The following ZNF157 variants were observed in gnomAD, a reference collection of about 807,000 sequenced individuals.
ZNF157 encodes the protein zinc finger protein 22.
ZNF157 carries 8 observed loss-of-function variants against 9.4 expected under a neutral mutation model. The observed-to-expected ratio is 0.85, with a 90% CI of 0.50 to 1.53. The LOEUF (loss-of-function observed/expected upper bound fraction) is 1.53. Ranked by LOEUF, ZNF157 falls within the 40% of genes most tolerant of loss-of-function variation. ZNF157 has a pLI of 0.00. For missense variants in ZNF157, 316 were observed against 385.2 expected, an observed-to-expected ratio of 0.82 and a Z score of 1.50; for synonymous variants, 120 against 130.8, an observed-to-expected ratio of 0.92 and a Z score of 0.56.
At chrX:47,382,282 CTTTTTTT>C (rs764704009) in intron 1 of ZNF157, among the ~76,000 whole-genome samples, 2 of 53,357 alleles carry the variant, frequency 3.7e-5, no homozygotes, top group East Asian at 6.2e-4. Flanking sequence ...TTCAACAGAA[CTTTTTTT>C]TTTTTTTTTT....
chrX:47,394,571 C>T (rs1393441356), intron 1 of ZNF157, among the ~76,000 whole-genome samples: 1 of 111,812 alleles, frequency 8.9e-6, no homozygotes, highest in East Asian at 2.8e-4. Context: ...GTGGAAAGTA[C>T]CTCTGGGTAT....
At chrX:47,383,327 G>A (rs1336887537) in intron 1 of ZNF157, among the ~76,000 whole-genome samples, 6 of 84,279 alleles carry the variant, frequency 7.1e-5, no homozygotes, top group African/African-American at 2.2e-4. Flanking sequence ...AGCTGAGATC[G>A]CACCACTGCA....
chrX:47,402,752 C>G (rs2055934461), intron 1 of ZNF157, among the ~76,000 whole-genome samples: 1 of 107,926 alleles, frequency 9.3e-6, no homozygotes, highest in Non-Finnish European at 1.9e-5. Context: ...CCGTGTTACC[C>G]AGGATGGTCT....
chrX:47,397,246 T>C (rs1322812629), intron 1 of ZNF157, among the ~76,000 whole-genome samples: 1 of 94,797 alleles, frequency 1.1e-5, no homozygotes, highest in Admixed American at 1.2e-4. Context: ...TCTTTCTTTT[T>C]TTTTTTTTTT....
At chrX:47,393,085 G>A (rs1426731603) in intron 1 of ZNF157, among the ~76,000 whole-genome samples, 2 of 109,809 alleles carry the variant, frequency 1.8e-5, no homozygotes, top group African/African-American at 6.6e-5. Flanking sequence ...AACCTGGGAG[G>A]CGGAAGTTGC....
At chrX:47,394,469 C>G (rs910235622) in intron 1 of ZNF157, among the ~76,000 whole-genome samples, 3 of 112,137 alleles carry the variant, frequency 2.7e-5, no homozygotes, top group African/African-American at 9.7e-5. Flanking sequence ...TTATGTCTCA[C>G]ATTTTCCTGA....
intron 1 of ZNF157, among the ~76,000 whole-genome samples, chrX:47,372,544 G>A (rs2055832026): frequency 9.6e-6 from 1 of 104,200 alleles, no homozygotes; most frequent in African/African-American, 3.5e-5. Context: ...GCACAGGCTG[G>A]AGTGCAATGG....
intron 1 of ZNF157, among the ~76,000 whole-genome samples, chrX:47,377,455 T>A (rs2055848079): frequency 9.0e-6 from 1 of 110,573 alleles, no homozygotes; most frequent in South Asian, 3.8e-4. Context: ...AGCTTTTTAA[T>A]TAATTAATTA....
chrX:47,398,918 C>T (rs1331260737), intron 1 of ZNF157, among the ~76,000 whole-genome samples: 5 of 111,416 alleles, frequency 4.5e-5, no homozygotes, highest in East Asian at 2.8e-4. Flanking sequence ...GCAATCTGCC[C>T]GCCTCAGCCT....
intron 1 of ZNF157, among the ~76,000 whole-genome samples, chrX:47,394,333 A>G (rs2055907340): frequency 9.0e-6 from 1 of 111,523 alleles, no homozygotes; most frequent in African/African-American, 3.3e-5. Context: ...GGCATGAGCC[A>G]CTGCACCTGG....
At chrX:47,386,868 GA>G (rs1472029313) in intron 1 of ZNF157, among the ~76,000 whole-genome samples, 1 of 111,408 alleles carries the variant, frequency 9.0e-6, no homozygotes, top group African/African-American at 3.3e-5. Context: ...ATAAAAGGAA[GA>G]AAAAAAAGAA....
chrX:47,379,848 G>GTA (rs1006452607), intron 1 of ZNF157, among the ~76,000 whole-genome samples: 3 of 106,384 alleles, frequency 2.8e-5, no homozygotes, highest in Non-Finnish European at 3.8e-5. Context: ...GTTTTTGTGT[G>GTA]TATATATATT....
At chrX:47,398,654 C>T (rs996773555) in intron 1 of ZNF157, among the ~76,000 whole-genome samples, 1 of 109,735 alleles carries the variant, frequency 9.1e-6, no homozygotes, top group African/African-American at 3.3e-5. Context: ...ATTACAGGCT[C>T]ATGCCACCAC....
chrX:47,397,314 C>T (rs2055916800), intron 1 of ZNF157, among the ~76,000 whole-genome samples: 1 of 101,504 alleles, frequency 9.9e-6, no homozygotes, highest in Admixed American at 1.1e-4. Context: ...GTGATCTTAG[C>T]TAACCACAAC....
At chrX:47,373,498 T>C (rs954245866) in intron 1 of ZNF157, among the ~76,000 whole-genome samples, 2 of 111,304 alleles carry the variant, frequency 1.8e-5, no homozygotes, top group Non-Finnish European at 3.8e-5. Context: ...TGCATTCTTC[T>C]GTCAGCCAAG....
intron 3 of ZNF157, among the ~76,000 whole-genome samples, chrX:47,411,539 T>TTA (rs1220653250): frequency 5.7e-5 from 6 of 105,371 alleles, no homozygotes; most frequent in African/African-American, 1.7e-4. Flanking sequence ...ATTATTATTA[T>TTA]TTTTTTTTTG....
chrX:47,380,802 G>A (rs1328673724), intron 1 of ZNF157, among the ~76,000 whole-genome samples: 1 of 107,647 alleles, frequency 9.3e-6, no homozygotes, highest in Non-Finnish European at 1.9e-5. Context: ...AGGAGAAGCA[G>A]GAGGAGGAGG....
intron 1 of ZNF157, among the ~76,000 whole-genome samples, chrX:47,407,556 G>A (rs745777747): frequency 3.6e-5 from 4 of 112,091 alleles, no homozygotes; most frequent in Non-Finnish European, 5.6e-5. Context: ...AAGTTTTGGT[G>A]TTTTGTATAT....
chrX:47,383,371 CAAAAAAAAAAAAAAAA>C (rs35133137), intron 1 of ZNF157, among the ~76,000 whole-genome samples: 1 of 18,824 alleles, frequency 5.3e-5, no homozygotes, highest in African/African-American at 9.8e-5. Flanking sequence ...GACTCAGTCT[CAAAAAAAAAAAAAAAA>C]AAAAAAAAAA....
Sources: allele counts gnomAD v4.1 joint callset (sites outside exome capture counted in the v4.1 genomes callset), GRCh38; gene constraint gnomAD v4.1.1; transcripts MANE v1.5; gene names NCBI Gene and HGNC (gene_info 2026-07-23, HGNC 2026-07-21).